The following FAM133A variants were observed in gnomAD, a reference collection of about 807,000 sequenced individuals.
FAM133A encodes protein FAM133A.
For synonymous variants in FAM133A, 65 were observed against 58.6 expected (o/e 1.11, Z -0.50); for missense variants, 159 against 164.4 (o/e 0.97, Z 0.18).
At chrX:93,706,670 C>T (rs1242878957) in intron 3 of FAM133A, among the ~76,000 whole-genome samples, 1 of 111,624 alleles carries the variant, frequency 9.0e-6, no homozygotes, top group Non-Finnish European at 1.9e-5. Flanking sequence ...ATTGTCATTG[C>T]CTTTGGTCTA....
chrX:93,704,951 A>G (rs1401891371), intron 3 of FAM133A, among the ~76,000 whole-genome samples: 2 of 111,021 alleles, frequency 1.8e-5, no homozygotes, highest in Non-Finnish European at 3.8e-5. Flanking sequence ...GCTCTGGTTT[A>G]TACCACAGGT....
At chrX:93,675,666 A>G (rs1382893120) in intron 2 of FAM133A, among the ~76,000 whole-genome samples, 1 of 111,500 alleles carries the variant, frequency 9.0e-6, no homozygotes. Flanking sequence ...CATATTGCCA[A>G]ACTCTCTGCA....
At chrX:93,692,168 A>G (rs1195655263) in intron 2 of FAM133A, among the ~76,000 whole-genome samples, 2 of 111,829 alleles carry the variant, frequency 1.8e-5, no homozygotes, top group Non-Finnish European at 3.8e-5. Context: ...AGCCCTAATC[A>G]AAAATTCAAA....
chrX:93,687,556 G>A (rs1925615770), intron 2 of FAM133A, among the ~76,000 whole-genome samples: 2 of 111,392 alleles, frequency 1.8e-5, no homozygotes, highest in South Asian at 3.7e-4. Flanking sequence ...ACATATTTAC[G>A]GGTTACAACA....
intron 3 of FAM133A, among the ~76,000 whole-genome samples, chrX:93,701,768 C>T (rs1487967985): frequency 8.9e-6 from 1 of 111,813 alleles, no homozygotes; most frequent in Admixed American, 9.5e-5. Context: ...CAGAGGATTT[C>T]CTAAAGCATT....
At chrX:93,696,525 A>G (rs1218705754) in intron 2 of FAM133A, among the ~76,000 whole-genome samples, 1 of 111,921 alleles carries the variant, frequency 8.9e-6, no homozygotes, top group African/African-American at 3.3e-5. Context: ...AAAAGCTTGG[A>G]GCTTCTTCAA....
chrX:93,690,259 CATT>C (rs1925801055), intron 2 of FAM133A, among the ~76,000 whole-genome samples: 1 of 111,267 alleles, frequency 9.0e-6, no homozygotes, highest in South Asian at 3.7e-4. Flanking sequence ...AAATTTCACT[CATT>C]ATATGTGTAT....
At chrX:93,675,735 A>C (rs1210714780) in intron 2 of FAM133A, among the ~76,000 whole-genome samples, 1 of 111,415 alleles carries the variant, frequency 9.0e-6, no homozygotes, top group Non-Finnish European at 1.9e-5. Context: ...TTTGTTATTC[A>C]ACTAATATAT....
intron 2 of FAM133A, among the ~76,000 whole-genome samples, chrX:93,694,043 A>G (rs972746733): frequency 1.2e-4 from 13 of 111,273 alleles, no homozygotes; most frequent in Non-Finnish European, 2.1e-4. Flanking sequence ...GAGCACAGAG[A>G]AAAAATAACA....
At chrX:93,706,396 G>C (rs1927044680) in intron 3 of FAM133A, among the ~76,000 whole-genome samples, 1 of 111,425 alleles carries the variant, frequency 9.0e-6, no homozygotes, top group Admixed American at 9.6e-5. Flanking sequence ...TTGGTGTTCA[G>C]TTGGATCCAG....
At chrX:93,676,618 GTTT>G (rs59775813) in intron 2 of FAM133A, among the ~76,000 whole-genome samples, 2 of 94,146 alleles carry the variant, frequency 2.1e-5, no homozygotes, top group Non-Finnish European at 2.2e-5. Flanking sequence ...AAAATTGGTT[GTTT>G]TTTTTTTTTT....
At chrX:93,708,096 T>C (rs1179978703) in intron 3 of FAM133A, among the ~76,000 whole-genome samples, 1 of 112,367 alleles carries the variant, frequency 8.9e-6, no homozygotes, top group Non-Finnish European at 1.9e-5. Flanking sequence ...TAAAAAGTTG[T>C]TGATCTTTAA....
intron 2 of FAM133A, among the ~76,000 whole-genome samples, chrX:93,697,061 G>A (rs1219048315): frequency 1.8e-5 from 2 of 108,481 alleles, no homozygotes; most frequent in Non-Finnish European, 3.8e-5. Context: ...AGAATCAACC[G>A]GAGACCATGT....
chrX:93,688,835 G>C (rs1486364690), intron 2 of FAM133A, among the ~76,000 whole-genome samples: 2 of 109,465 alleles, frequency 1.8e-5, no homozygotes, highest in African/African-American at 6.7e-5. Context: ...GACACCCCCA[G>C]AACAATTATA....
Position 93,710,443 on chromosome X carries a change from C to A in FAM133A, c.*277C>A. Reference sequence around the variant, plus strand: ...ATAACTTTGACAAAAAAAAGTGTATCTAAGGTTAAATGTATCTAATTCGAA... The same window carrying A: ...ATAACTTTGACAAAAAAAAGTGTATATAAGGTTAAATGTATCTAATTCGAA... On this transcript the variant is annotated 3_prime_UTR_variant, in exon 4 of 4. Transcript: ENST00000683942. The A allele has an allele frequency of 3.9e-6, 1 of 258,169 alleles. No homozygotes were observed. The highest frequency in any genetic ancestry group is 7.2e-6 in the Non-Finnish European group (1 of 138,862). The allele number at this position is 258,169 out of a possible 1,213,427, so 21.3% of individuals were successfully genotyped here.
intron 2 of FAM133A, among the ~76,000 whole-genome samples, chrX:93,685,353 CCT>C (rs1358484626): frequency 3.6e-5 from 4 of 111,484 alleles, no homozygotes; most frequent in African/African-American, 1.3e-4. Flanking sequence ...TTTATGATAT[CCT>C]TTTTTCCTGT....
rs189141409 is a variant in FAM133A, at chrX:93,676,417, T to C, written c.-193+1665T>C. Among the ~76,000 whole-genome samples, 4 of 111,287 alleles carry C rather than the reference T, an allele frequency of 3.6e-5. No individual in the cohort carries two copies. The Admixed American group carries it at 3.8e-4, about 11-fold the overall frequency. Reference sequence around the variant, plus strand: ...GATTAGTGGTAAGATTGTCTTTTCATATGTTTATGTTTTTTTGAGAATTGT... The same window carrying C: ...GATTAGTGGTAAGATTGTCTTTTCACATGTTTATGTTTTTTTGAGAATTGT... On this transcript the variant is annotated intron_variant, in intron 2 of 3. Coordinates refer to ENST00000683942, the MANE Select transcript of FAM133A (RefSeq NM_001171109.2).
intron 2 of FAM133A, among the ~76,000 whole-genome samples, chrX:93,683,967 T>A (rs1377319644): frequency 8.9e-6 from 1 of 111,948 alleles, no homozygotes; most frequent in Non-Finnish European, 1.9e-5. Flanking sequence ...TTTCACATTG[T>A]TGATTGTTTC....
At chrX:93,676,618 G>GTT (rs59775813) in intron 2 of FAM133A, among the ~76,000 whole-genome samples, 4 of 94,126 alleles carry the variant, frequency 4.2e-5, no homozygotes, top group Admixed American at 1.2e-4. Context: ...AAAATTGGTT[G>GTT]TTTTTTTTTT....
Sources: allele counts gnomAD v4.1 joint callset (sites outside exome capture counted in the v4.1 genomes callset), GRCh38; gene constraint gnomAD v4.1.1; transcripts MANE v1.5; gene names NCBI Gene and HGNC (gene_info 2026-07-23, HGNC 2026-07-21).